G3BP1: variants seen among roughly 807,000 people sequenced by gnomAD.
The protein encoded by G3BP1 is ras GTPase-activating protein-binding protein 1.
A neutral mutation model predicts 58.6 loss-of-function variants in G3BP1; 35 were observed. The ratio of observed to expected loss-of-function variants is 0.60; its 90% CI spans 0.46 to 0.79. G3BP1 has a LOEUF of 0.79. Among genes scored for constraint, G3BP1 ranks in the 30% least tolerant of loss-of-function variants. The pLI, the probability that G3BP1 is intolerant of heterozygous loss-of-function variation, is 0.00. For synonymous variants in G3BP1, 191 were observed against 195.4 expected (o/e 0.98, Z 0.19); for missense variants, 523 against 580.8 (o/e 0.90, Z 1.02).
At chr5:151,797,964 G>A (rs189276883) in intron 7 of G3BP1, among the ~76,000 whole-genome samples, 209 of 144,124 alleles carry the variant, frequency 1.5e-3, no homozygotes, top group African/African-American at 4.4e-3. Context: ...CTGAACTATC[G>A]TTGAAACCTT....
intron 1 of G3BP1, among the ~76,000 whole-genome samples, chr5:151,773,310 G>A (rs917696798): frequency 6.9e-6 from 1 of 144,198 alleles, no homozygotes; most frequent in Non-Finnish European, 1.5e-5. Context: ...GAATAGAAAG[G>A]TTGGCGCCCA....
intron 2 of G3BP1, among the ~76,000 whole-genome samples, chr5:151,789,688 C>T (rs1304384581): frequency 3.9e-5 from 6 of 152,186 alleles, no homozygotes; most frequent in African/African-American, 7.2e-5. Flanking sequence ...CCAGCCTTAC[C>T]GCACATTTTC....
intron 1 of G3BP1, among the ~76,000 whole-genome samples, chr5:151,779,911 T>C (rs1331944221): frequency 1.3e-5 from 2 of 152,230 alleles, no homozygotes; most frequent in African/African-American, 4.8e-5. Flanking sequence ...GTTATTTGTT[T>C]TTGTCTTGTG....
At chr5:151,787,817 GT>G in intron 2 of G3BP1, 1 of 297,724 alleles carries the variant, frequency 3.4e-6, no homozygotes, top group Non-Finnish European at 6.8e-6. Flanking sequence ...ATTTATGAAT[GT>G]ATTCAATATG....
chr5:151,784,758 C>T (rs759011634), intron 1 of G3BP1, among the ~76,000 whole-genome samples: 12 of 151,956 alleles, frequency 7.9e-5, no homozygotes, highest in African/African-American at 2.9e-4. Context: ...AAAAGTACTG[C>T]TACTGTTTCC....
chr5:151,785,594 G>T (rs952777931), intron 1 of G3BP1, among the ~76,000 whole-genome samples: 2 of 152,164 alleles, frequency 1.3e-5, no homozygotes, highest in Admixed American at 1.3e-4. Flanking sequence ...TTTTTATTCA[G>T]AAAGTGTTTT....
intron 4 of G3BP1, among the ~76,000 whole-genome samples, chr5:151,793,618 T>C (rs1762697291): frequency 6.6e-6 from 1 of 152,134 alleles, no homozygotes; most frequent in Non-Finnish European, 1.5e-5. Flanking sequence ...AATTCTTTGT[T>C]GTGGGAGCCT....
chr5:151,786,542 C>A (rs903275621), intron 1 of G3BP1, 30 bp from the exon 2 acceptor site: 4 of 870,894 alleles, frequency 4.6e-6, no homozygotes, highest in South Asian at 1.4e-5. Flanking sequence ...CTAAATGATT[C>A]GGTCTTTTCC....
intron 2 of G3BP1, among the ~76,000 whole-genome samples, chr5:151,789,416 G>A (rs1193134689): frequency 6.6e-6 from 1 of 152,136 alleles, no homozygotes; most frequent in African/African-American, 2.4e-5. Context: ...AATCTTAATA[G>A]TGGTTATCCC....
intron 6 of G3BP1, among the ~76,000 whole-genome samples, chr5:151,796,150 T>G (rs571773064): frequency 1.3e-5 from 2 of 152,346 alleles, no homozygotes; most frequent in South Asian, 4.1e-4. Flanking sequence ...CAAGTGTTTC[T>G]TAAGGTGTGA....
chr5:151,779,680 A>T (rs933110358), intron 1 of G3BP1, among the ~76,000 whole-genome samples: 6 of 152,218 alleles, frequency 3.9e-5, no homozygotes, highest in African/African-American at 9.6e-5. Flanking sequence ...GCAGGCATAA[A>T]TAGGGTGACA....
intron 1 of G3BP1, among the ~76,000 whole-genome samples, chr5:151,785,332 A>G (rs1450989844): frequency 3.3e-5 from 5 of 152,224 alleles, no homozygotes; most frequent in African/African-American, 1.2e-4. Flanking sequence ...ATTGGGGTAG[A>G]TATTCAAGAA....
rs1309134196 is a variant in G3BP1, at chr5:151,812,446, G to C, written c.*8355G>C. 6.6e-6 allele frequency: 1 copy of C among 152,164 alleles called. No homozygotes were observed. The highest frequency in any genetic ancestry group is 1.5e-5 in the Non-Finnish European group (1 of 68,030). 9.4% of individuals were successfully genotyped at this position (152,164 alleles called of 1,614,324 possible). A position where few individuals can be genotyped will look rare whatever the true frequency, so the allele number is the denominator to read the frequency against. ...ATAATAACCTGGGATTTGCTCTTCT[G>C]CCTAAACATCGAACTAGGGAACTTT... On this transcript the variant is annotated 3_prime_UTR_variant, in exon 12 of 12. Coordinates refer to ENST00000356245, the MANE Select transcript of G3BP1 (RefSeq NM_005754.3).
At chr5:151,787,857 A>AC in intron 2 of G3BP1, 1 of 74,902 alleles carries the variant, frequency 1.3e-5, no homozygotes, top group Non-Finnish European at 2.6e-5. Context: ...AATAAAATTT[A>AC]TGAATGTTTT....
At chr5:151,776,764 T>C (rs1762377748) in intron 1 of G3BP1, among the ~76,000 whole-genome samples, 1 of 151,984 alleles carries the variant, frequency 6.6e-6, no homozygotes, top group South Asian at 2.1e-4. Context: ...TATATTTTTA[T>C]AAAATATCGT....
At chr5:151,801,890 C>T (rs1204393903) in intron 11 of G3BP1, among the ~76,000 whole-genome samples, 1 of 151,926 alleles carries the variant, frequency 6.6e-6, no homozygotes, top group Non-Finnish European at 1.5e-5. Flanking sequence ...TCTTGGCTCA[C>T]TGCAACCTCC....
Position 151,799,886 on chromosome 5 carries a change from C to T in G3BP1, c.844-3C>T, listed in dbSNP as rs201647628. 29 of 1,574,006 alleles carry T rather than the reference C, an allele frequency of 1.8e-5. No individual in the cohort carries two copies. Among genetic ancestry groups the T allele is most frequent in the Middle Eastern group, 3.4e-4 (2 of 5,958 alleles). On this transcript the variant is annotated splice_polypyrimidine_tract_variant and splice_region_variant and intron_variant, in intron 8 of 11. Coordinates refer to ENST00000356245, the MANE Select transcript of G3BP1 (RefSeq NM_005754.3). The stretch of plus-strand genomic sequence containing the variant: ...ACACAAAAGTTAACTTAAAATTTTT[C>T]AGCCCCGTCCAGAGTCTAAGCCTGA...
chr5:151,789,248 G>A (rs528360180), intron 2 of G3BP1, among the ~76,000 whole-genome samples: 1 of 152,172 alleles, frequency 6.6e-6, no homozygotes, highest in East Asian at 1.9e-4. Flanking sequence ...TTCAAGACCA[G>A]CCTGGCCAAT....
rs1762947744 is a variant in G3BP1, at chr5:151,807,079, A to G, written c.*2988A>G. The G allele has an allele frequency of 6.6e-6, 1 of 152,182 alleles. No homozygotes were observed. Among genetic ancestry groups the G allele is most frequent in the South Asian group, 2.1e-4 (1 of 4,828 alleles). The allele number at this position is 152,182 out of a possible 1,614,324, so 9.4% of individuals were successfully genotyped here. ...TACTTTGTGTATTCCAGCGTTCTCA[A>G]CTTTGTCAGATATTGCTAGGGACCA... On this transcript the variant is annotated 3_prime_UTR_variant, in exon 12 of 12. Coordinates refer to ENST00000356245, the MANE Select transcript of G3BP1 (RefSeq NM_005754.3).
Sources: allele counts gnomAD v4.1 joint callset (sites outside exome capture counted in the v4.1 genomes callset), GRCh38; gene constraint gnomAD v4.1.1; transcripts MANE v1.5; gene names NCBI Gene and HGNC (gene_info 2026-07-23, HGNC 2026-07-21).